The following CYP20A1 variants were observed in gnomAD, a reference collection of about 807,000 sequenced individuals.
CYP20A1 encodes cytochrome P450 20A1.
Under a neutral mutation model 61.4 loss-of-function variants are expected in CYP20A1, and 61 were observed. The observed-to-expected ratio is 0.99, with a 90% confidence interval of 0.81 to 1.23. CYP20A1 has a LOEUF of 1.23. CYP20A1 is among the 50% of genes most tolerant of loss of function. The pLI is 0.00. For missense variants in CYP20A1, 530 were observed against 542.4 expected, an observed-to-expected ratio of 0.98 and a Z score of 0.23; for synonymous variants, 193 against 188.2, an observed-to-expected ratio of 1.03 and a Z score of -0.21.
At chr2:203,239,346 C>T (rs562263708) in intron 1 of CYP20A1, among the ~76,000 whole-genome samples, 1 of 152,032 alleles carries the variant, frequency 6.6e-6, no homozygotes, top group South Asian at 2.1e-4. Context: ...GCGTCGCTAC[C>T]CCTCAGGCGC....
At chr2:203,249,852 A>G (rs562230991) in intron 3 of CYP20A1, among the ~76,000 whole-genome samples, 50 of 152,120 alleles carry the variant, frequency 3.3e-4, no homozygotes, top group African/African-American at 1.2e-3. Context: ...CTCAAAAAAG[A>G]AAAAAAATGC....
intron 3 of CYP20A1, among the ~76,000 whole-genome samples, chr2:203,249,243 G>A (rs545768184): frequency 6.6e-6 from 1 of 152,118 alleles, no homozygotes; most frequent in Admixed American, 6.6e-5. Flanking sequence ...GAATGGATGC[G>A]GTAGCACATA....
At chr2:203,266,712 T>A in intron 5 of CYP20A1, 31 bp downstream of exon 5, 1 of 1,602,250 alleles carries the variant, frequency 6.2e-7, no homozygotes, top group Non-Finnish European at 8.5e-7. Flanking sequence ...AAAATTACTC[T>A]TTCAGGCTGG....
At chr2:203,252,142 A>G in intron 4 of CYP20A1, 33 bp downstream of exon 4, 1 of 1,540,624 alleles carries the variant, frequency 6.5e-7, no homozygotes, top group Non-Finnish European at 8.8e-7. Flanking sequence ...CTAGTGTTCT[A>G]CAACATAAAT....
chr2:203,273,374 T>C (rs1205864748), intron 6 of CYP20A1, among the ~76,000 whole-genome samples: 1 of 152,204 alleles, frequency 6.6e-6, no homozygotes, highest in Non-Finnish European at 1.5e-5. Context: ...GATGAAATTA[T>C]ATGAAAGAAG....
chr2:203,250,257 A>AT (rs779351298), intron 3 of CYP20A1, among the ~76,000 whole-genome samples: 1 of 152,222 alleles, frequency 6.6e-6, no homozygotes, highest in Non-Finnish European at 1.5e-5. Context: ...ATGTAGATTG[A>AT]TTTTATCAGA....
intron 8 of CYP20A1, among the ~76,000 whole-genome samples, chr2:203,281,465 C>T (rs536573252): frequency 6.6e-6 from 1 of 152,196 alleles, no homozygotes; most frequent in East Asian, 1.9e-4. Flanking sequence ...GCCATGATTG[C>T]ACCACTGGAC....
At chr2:203,251,817 A>ATATATATGTGTATATATATATATATATAT (rs34111991) in intron 3 of CYP20A1, 150 bp from the exon 4 acceptor site, 4 of 95,314 alleles carry the variant, frequency 4.2e-5, no homozygotes, top group South Asian at 4.4e-4. Flanking sequence ...ATATATATAT[A>ATATATATGTGTATATATATATATATATAT]AAAAATAAAA....
chr2:203,299,862 G>C lies in CYP20A1; in HGVS notation c.*2954G>C, dbSNP rs1200182984. The stretch of plus-strand genomic sequence containing the variant: ...GCACTCCAGCCTGGGCAACAAGAGT[G>C]AAACTCCGTCTCAAAAAAAAAAGAA... On this transcript the variant is annotated 3_prime_UTR_variant, in exon 13 of 13. Transcript: ENST00000356079. Among the ~76,000 whole-genome samples the C allele has an allele frequency of 3.3e-5, 5 of 151,692 alleles. No homozygotes were observed. In the East Asian group the frequency reaches 9.7e-4, roughly 29 times the overall value.
At chr2:203,240,961 C>T (rs938819331) in intron 1 of CYP20A1, among the ~76,000 whole-genome samples, 7 of 152,130 alleles carry the variant, frequency 4.6e-5, no homozygotes, top group Non-Finnish European at 1.0e-4. Context: ...TGACATGGGT[C>T]TCCAGGTAAG....
chr2:203,293,237 A>G (rs1261150830), intron 11 of CYP20A1, among the ~76,000 whole-genome samples: 1 of 103,256 alleles, frequency 9.7e-6, no homozygotes, highest in Non-Finnish European at 1.9e-5. Context: ...TTTTTTTGAG[A>G]TGGAGTCTCG....
At chr2:203,276,392 T>C (rs1290166051) in intron 6 of CYP20A1, among the ~76,000 whole-genome samples, 2 of 152,088 alleles carry the variant, frequency 1.3e-5, no homozygotes, top group African/African-American at 4.8e-5. Flanking sequence ...CTTTGACTGG[T>C]ATGATAGACT....
chr2:203,243,158 G>A (rs551461585), intron 1 of CYP20A1, among the ~76,000 whole-genome samples: 1 of 152,138 alleles, frequency 6.6e-6, no homozygotes, highest in Non-Finnish European at 1.5e-5. Context: ...GTTTTTTTGA[G>A]ACGGAGTCTT....
At chr2:203,249,582 C>T (rs1041935577) in intron 3 of CYP20A1, among the ~76,000 whole-genome samples, 1 of 152,148 alleles carries the variant, frequency 6.6e-6, no homozygotes, top group East Asian at 1.9e-4. Context: ...TGGTGGCTCA[C>T]GCCTGTAATC....
chr2:203,294,308 C>T (rs982086994), intron 11 of CYP20A1, among the ~76,000 whole-genome samples: 3 of 151,850 alleles, frequency 2.0e-5, no homozygotes, highest in South Asian at 2.1e-4. Context: ...GAGGCCGAGG[C>T]GGGCAGATCA....
chr2:203,266,741 G>A, intron 5 of CYP20A1, 60 bp downstream of exon 5: 1 of 1,425,184 alleles, frequency 7.0e-7, no homozygotes, highest in Non-Finnish European at 9.9e-7. Flanking sequence ...GCTCACACCT[G>A]TAATCCCAGC....
chr2:203,274,896 A>G (rs1405523423), intron 6 of CYP20A1, among the ~76,000 whole-genome samples: 2 of 152,250 alleles, frequency 1.3e-5, no homozygotes, highest in Admixed American at 6.5e-5. Context: ...AAAATAATTT[A>G]TATTCTTTGA....
chr2:203,279,162 T>G (rs1034823268), intron 7 of CYP20A1, among the ~76,000 whole-genome samples: 3 of 152,136 alleles, frequency 2.0e-5, no homozygotes, highest in Admixed American at 6.6e-5. Flanking sequence ...AGACGGAGTT[T>G]CACCTTGTTG....
rs577708046 is a variant in CYP20A1, at chr2:203,264,980, C to T, written c.433-1534C>T. Among the ~76,000 whole-genome samples, 14 of 152,298 alleles carry T rather than the reference C, an allele frequency of 9.2e-5. No homozygotes were observed. The South Asian group carries it at 1.2e-3, about 14-fold the overall frequency. ...TCCTGACCTTGTGATCTGCCCACCT[C>T]GGCCTCCCAAAGTGCTGAGATTACA... On this transcript the variant is annotated intron_variant, in intron 4 of 12. Transcript: ENST00000356079.
Sources: gnomAD v4.1 joint callset for allele counts (sites outside exome capture counted in the v4.1 genomes callset) on GRCh38, gnomAD v4.1.1 for gene constraint, MANE v1.5 for transcripts, NCBI Gene and HGNC (gene_info 2026-07-23, HGNC 2026-07-21) for gene names.